ERC2: variants seen among roughly 807,000 people sequenced by gnomAD.
The protein encoded by ERC2 is ERC protein 2.
In ERC2, 42 loss-of-function variants were observed where a neutral mutation model predicts 114.8. The ratio of observed to expected loss-of-function variants is 0.37; its 90% CI spans 0.29 to 0.47. ERC2 has a LOEUF of 0.47. ERC2 is among the 20% of genes least tolerant of loss of function. ERC2 has a pLI of 0.99. For synonymous variants in ERC2, 454 were observed against 425.5 expected, an observed-to-expected ratio of 1.07 and a Z score of -0.82; for missense variants, 939 against 1,150.7, an observed-to-expected ratio of 0.82 and a Z score of 2.66.
intron 3 of ERC2, among the ~76,000 whole-genome samples, chr3:56,174,181 CA>C (rs2082840593): frequency 6.6e-6 from 1 of 152,164 alleles, no homozygotes; most frequent in African/African-American, 2.4e-5. Context: ...GATGTGGACC[CA>C]AAAACCCCTG....
chr3:55,605,102 A>T (rs1236678888), intron 17 of ERC2, among the ~76,000 whole-genome samples: 5 of 145,472 alleles, frequency 3.4e-5, no homozygotes, highest in African/African-American at 1.0e-4. Context: ...AAACATGCAA[A>T]TTTTTTTTTT....
chr3:55,570,563 C>T (rs752253994), intron 17 of ERC2, among the ~76,000 whole-genome samples: 2 of 152,152 alleles, frequency 1.3e-5, no homozygotes, highest in Admixed American at 6.5e-5. Context: ...CAGGACATCT[C>T]TCCCAGGAGT....
chr3:55,686,670 A>C (rs1195335783), intron 16 of ERC2, among the ~76,000 whole-genome samples: 1 of 152,234 alleles, frequency 6.6e-6, no homozygotes, highest in Non-Finnish European at 1.5e-5. Flanking sequence ...CCTTAACTTC[A>C]TGCTAAGTTG....
intron 2 of ERC2, among the ~76,000 whole-genome samples, chr3:56,307,045 G>A (rs1029480492): frequency 6.6e-6 from 1 of 152,214 alleles, no homozygotes; most frequent in Non-Finnish European, 1.5e-5. Flanking sequence ...CAGAGCCAGG[G>A]CACTGTGATA....
chr3:56,339,040 C>T (rs889943328), intron 2 of ERC2, among the ~76,000 whole-genome samples: 15 of 152,196 alleles, frequency 9.9e-5, no homozygotes, highest in African/African-American at 3.1e-4. Context: ...CCCAGTTCCA[C>T]CTCTGATGTC....
Position 56,396,676 on chromosome 3 carries a change from G to A in ERC2, c.657+37675C>T, listed in dbSNP as rs191312798. On this transcript the variant is annotated intron_variant, in intron 2 of 17. Transcript: ENST00000288221. ...TTACACATATCTTTCAAGTTTTAGG[G>A]TTTTTTTGTTTTGTTTTGTTTTTGT... 1.8e-4 allele frequency among the ~76,000 whole-genome samples: 28 copies of A among 152,124 alleles called. 1 individual carries two copies. Among genetic ancestry groups the A allele is most frequent in the Admixed American group, 2.0e-4 (3 of 15,276 alleles).
In ERC2 at chr3:55,902,867, C is replaced by A. The variant is rs890419041; in HGVS notation, c.2404-14318G>T. The stretch of plus-strand genomic sequence containing the variant: ...TGTGATTTATCCCAAGGGAGCCTGG[C>A]GGAGAGTGGGCGGATGGCAAAGGTC... On this transcript the variant is annotated intron_variant, in intron 13 of 17. Transcript: ENST00000288221. 2.6e-5 allele frequency among the ~76,000 whole-genome samples: 4 copies of A among 152,166 alleles called. No homozygotes were observed. In the South Asian group the frequency reaches 8.3e-4, roughly 32 times the overall value.
At position 56,435,157 on chromosome 3, in the gene ERC2, GA is replaced by G. The variant is rs2061960218; in HGVS notation, c.-140-11del. 1.6e-6 allele frequency: 1 copy of G among 606,160 alleles called. No homozygotes were observed. The highest frequency in any genetic ancestry group is 2.8e-5 in the East Asian group (1 of 35,374). 37.5% of individuals were successfully genotyped at this position (606,160 alleles called of 1,614,324 possible). A position where few individuals can be genotyped will look rare whatever the true frequency, so the allele number is the denominator to read the frequency against. On this transcript the variant is annotated splice_polypyrimidine_tract_variant and intron_variant, in intron 1 of 17. Transcript: ENST00000288221. ...AACTCCACTCAGAGATCTACAAAGTGAAAAAAAGAATAATTAAAAACAAATT... is the reference window on the plus strand; with the variant it reads ...AACTCCACTCAGAGATCTACAAAGTGAAAAAAGAATAATTAAAAACAAATT...
Position 55,816,427 on chromosome 3 carries a change from C to T in ERC2, c.2564+71962G>A, listed in dbSNP as rs2059907120. On this transcript the variant is annotated intron_variant, in intron 14 of 17. Coordinates refer to ENST00000288221, the MANE Select transcript of ERC2 (RefSeq NM_015576.3). ...TCCATACCAATGTGCACATCTTTAA[C>T]CACTTTGGGCATCTTGAATGAAAGC... 1.3e-5 allele frequency among the ~76,000 whole-genome samples: 2 copies of T among 152,208 alleles called. 1 individual carries two copies. Among genetic ancestry groups the T allele is most frequent in the Admixed American group, 1.3e-4 (2 of 15,286 alleles).
intron 2 of ERC2, among the ~76,000 whole-genome samples, chr3:56,417,719 C>T (rs1296572936): frequency 5.9e-5 from 9 of 152,168 alleles, no homozygotes; most frequent in Admixed American, 2.0e-4. Flanking sequence ...CTGGTGCTCT[C>T]GACCACCATC....
intron 1 of ERC2, among the ~76,000 whole-genome samples, chr3:56,452,271 T>C (rs1180484011): frequency 6.6e-6 from 1 of 152,136 alleles, no homozygotes; most frequent in Admixed American, 6.5e-5. Flanking sequence ...AAGGTAAGGA[T>C]TGTCAAGTTC....
intron 7 of ERC2, among the ~76,000 whole-genome samples, chr3:56,048,178 T>G (rs2075574334): frequency 6.6e-6 from 1 of 152,198 alleles, no homozygotes; most frequent in South Asian, 2.1e-4. Context: ...TACTTCAGTG[T>G]TTTGTCTAAC....
intron 14 of ERC2, among the ~76,000 whole-genome samples, chr3:55,819,324 G>A (rs548945293): frequency 6.6e-5 from 10 of 152,120 alleles, no homozygotes; most frequent in Admixed American, 5.2e-4. Flanking sequence ...TGCAGGCCAG[G>A]GTTTGATTAG....
intron 1 of ERC2, among the ~76,000 whole-genome samples, chr3:56,438,180 A>G (rs932225690): frequency 6.6e-6 from 1 of 152,214 alleles, no homozygotes; most frequent in Non-Finnish European, 1.5e-5. Flanking sequence ...TAAGGAAACC[A>G]ACCATCAGGC....
intron 2 of ERC2, among the ~76,000 whole-genome samples, chr3:56,425,451 A>G (rs894909188): frequency 6.6e-6 from 1 of 152,206 alleles, no homozygotes; most frequent in African/African-American, 2.4e-5. Flanking sequence ...GGTGAGAGAC[A>G]AAGTCCTGCT....
At chr3:56,243,488 T>C (rs2051463274) in intron 3 of ERC2, among the ~76,000 whole-genome samples, 1 of 152,166 alleles carries the variant, frequency 6.6e-6, no homozygotes, top group Non-Finnish European at 1.5e-5. Flanking sequence ...TCACGGCTCC[T>C]TACCTGAAGC....
At chr3:55,959,332 T>C (rs377059960) in intron 12 of ERC2, among the ~76,000 whole-genome samples, 1 of 152,308 alleles carries the variant, frequency 6.6e-6, no homozygotes, top group African/African-American at 2.4e-5. Context: ...CAAATATGGA[T>C]GTAACACCAC....
At chr3:56,272,462 A>C (rs2053717454) in intron 3 of ERC2, among the ~76,000 whole-genome samples, 1 of 152,248 alleles carries the variant, frequency 6.6e-6, no homozygotes, top group Non-Finnish European at 1.5e-5. Flanking sequence ...GACTCCATCT[A>C]GAAAGAAATG....
intron 3 of ERC2, among the ~76,000 whole-genome samples, chr3:56,279,474 T>C (rs1315845993): frequency 7.2e-5 from 11 of 151,960 alleles, no homozygotes. Flanking sequence ...CAAGTGAGGA[T>C]GGAGGAGGAA....
Sources: allele counts gnomAD v4.1 joint callset (sites outside exome capture counted in the v4.1 genomes callset), GRCh38; gene constraint gnomAD v4.1.1; transcripts MANE v1.5; gene names NCBI Gene and HGNC (gene_info 2026-07-23, HGNC 2026-07-21).